The following APOA2 variants were observed in gnomAD, a reference collection of about 807,000 sequenced individuals.
The protein encoded by APOA2 is apolipoprotein A2, also known as apolipoprotein A-II.
A neutral mutation model predicts 7.4 loss-of-function variants in APOA2; 3 were observed. The ratio of observed to expected loss-of-function variants is 0.41; its 90% CI spans 0.18 to 1.05. APOA2 has a LOEUF of 1.05. APOA2 is among the 50% of genes least tolerant of loss of function. APOA2 has a pLI of 0.33. For synonymous variants in APOA2, 42 were observed against 47.8 expected (o/e 0.88, Z 0.50); for missense variants, 90 against 116.3 (o/e 0.77, Z 1.04).
At chr1:161,222,563 T>G in intron 3 of APOA2, 41 bp from the exon 4 acceptor site, 1 of 1,553,834 alleles carries the variant, frequency 6.4e-7, no homozygotes, top group Non-Finnish European at 8.9e-7. Context: ...TGAGGGACCC[T>G]AGGCACTGGC....
At position 161,222,526 on chromosome 1, in the gene APOA2, G is replaced by A. The variant is rs6413453; in HGVS notation, c.186-4C>T. The A allele has an allele frequency of 0.11, 178,687 of 1,611,414 alleles. 10,689 individuals carry two copies. Among genetic ancestry groups the A allele is most frequent in the East Asian group, 0.2 (8,816 of 44,854 alleles). ...CTTTGACTTTTCAAAGTAAGACCTG[G>A]ATAGGTGAGGGGATTAGAGTTTAAT... is the stretch of plus-strand genomic sequence containing the variant. On this transcript the variant is annotated splice_polypyrimidine_tract_variant and splice_region_variant and intron_variant, in intron 3 of 3. Coordinates refer to ENST00000367990, the MANE Select transcript of APOA2 (RefSeq NM_001643.2).
chr1:161,223,252 C>G, intron 2 of APOA2, 98 bp downstream of exon 2: 2 of 1,573,258 alleles, frequency 1.3e-6, no homozygotes, highest in Non-Finnish European at 1.7e-6. Context: ...CTTTTGAGCC[C>G]TTTGGTTGCC....
At chr1:161,223,501 C>G in intron 1 of APOA2, 76 bp from the exon 2 acceptor site, 1 of 1,242,936 alleles carries the variant, frequency 8.0e-7, no homozygotes, top group South Asian at 1.3e-5. Flanking sequence ...GATCTCCCTA[C>G]CTGCTGCCCA....
rs1284521074 is a variant in APOA2, at chr1:161,222,524, T to C, written c.186-2A>G. ...TCCTTTGACTTTTCAAAGTAAGACC[T>C]GGATAGGTGAGGGGATTAGAGTTTA... On this transcript the variant is annotated splice_acceptor_variant, in intron 3 of 3. Coordinates refer to ENST00000367990, the MANE Select transcript of APOA2 (RefSeq NM_001643.2). LOFTEE classifies it high-confidence loss of function. The C allele has an allele frequency of 1.9e-6, 3 of 1,612,498 alleles. No individual in the cohort carries two copies. The highest frequency in any genetic ancestry group is 2.5e-6 in the Non-Finnish European group (3 of 1,178,626).
chr1:161,222,645 G>T lies in APOA2; in HGVS notation c.186-123C>A. ...CCCAAACTCTAGTGCCTGGTCCATC[G>T]CATGGCAAAGCCCCTAGGTAGGAAT... On this transcript the variant is annotated intron_variant, in intron 3 of 3. Coordinates refer to ENST00000367990, the MANE Select transcript of APOA2 (RefSeq NM_001643.2). 10 of 965,918 alleles carry T rather than the reference G, an allele frequency of 1.0e-5. No homozygotes were observed. In the South Asian group the frequency reaches 1.2e-4, roughly 12 times the overall value. The allele number at this position is 965,918 out of a possible 1,614,324, so 59.8% of individuals were successfully genotyped here.
In APOA2 at chr1:161,223,337, A is replaced by G. The variant is rs1344536611; in HGVS notation, c.52+13T>C. 1.2e-6 allele frequency: 2 copies of G among 1,613,636 alleles called. No homozygotes were observed. The highest frequency in any genetic ancestry group is 2.7e-5 in the African/African-American group (2 of 74,896). The stretch of plus-strand genomic sequence containing the variant: ...CATTCTCCCTTTTGGCCCCCTCTCC[A>G]TATCACACCCACCTTCAAGGCTGCA... On this transcript the variant is annotated intron_variant, in intron 2 of 3. Transcript: ENST00000367990.
intron 3 of APOA2, 103 bp downstream of exon 3, chr1:161,222,815 C>T (rs991574735): frequency 1.9e-6 from 3 of 1,560,618 alleles, no homozygotes; most frequent in Non-Finnish European, 2.6e-6. Context: ...GCCTAATCTG[C>T]CCTAATCCCC....
intron 3 of APOA2, 87 bp from the exon 4 acceptor site, chr1:161,222,609 T>A: frequency 8.1e-7 from 1 of 1,232,498 alleles, no homozygotes; most frequent in Non-Finnish European, 1.2e-6. Context: ...CAGAGCAGAC[T>A]GACTCAGGTC....
chr1:161,222,579 C>T (rs538876594), intron 3 of APOA2, 57 bp from the exon 4 acceptor site: 2 of 1,490,340 alleles, frequency 1.3e-6, no homozygotes, highest in African/African-American at 1.4e-5. Flanking sequence ...CTGGCAGGGG[C>T]CTTGGTGGTG....
In APOA2 at chr1:161,223,410, C is replaced by G; in HGVS notation, c.-9G>C. 1 of 1,612,980 alleles carries G rather than the reference C, an allele frequency of 6.2e-7. No individual in the cohort carries two copies. The highest frequency in any genetic ancestry group is 8.5e-7 in the Non-Finnish European group (1 of 1,179,532). On this transcript the variant is annotated 5_prime_UTR_variant, in exon 2 of 4. Transcript: ENST00000367990. ...GCTGCGAGCAGCTTCATGTTGGTAA[C>G]AGTGGGGAGGGCGGCCTAGGAAGAG... is the stretch of plus-strand genomic sequence containing the variant.
chr1:161,223,555 T>A (rs1286445214), intron 1 of APOA2, 40 bp downstream of exon 1: 3 of 737,046 alleles, frequency 4.1e-6, no homozygotes, highest in Admixed American at 4.2e-5. Flanking sequence ...AGCCCAGGCC[T>A]CTTTGGATGC....
intron 2 of APOA2, 122 bp downstream of exon 2, chr1:161,223,228 A>AG: frequency 3.9e-6 from 6 of 1,557,378 alleles, no homozygotes; most frequent in Non-Finnish European, 5.2e-6. Context: ...GGCTTTAGAG[A>AG]GGGAATGATC....
Position 161,223,063 on chromosome 1 carries a change from ACACACACACAC to A in APOA2, c.53-24_53-14del, listed in dbSNP as rs1666199726. On this transcript the variant is annotated splice_polypyrimidine_tract_variant and intron_variant, in intron 2 of 3. Coordinates refer to ENST00000367990, the MANE Select transcript of APOA2 (RefSeq NM_001643.2). ...CGAACCAAAGCTCCTGCCCACACAC[ACACACACACAC>A]ACACACACACACACACACACTCTTT... 1 of 341,274 alleles carries A rather than the reference ACACACACACAC, an allele frequency of 2.9e-6. No individual in the cohort carries two copies. The highest frequency in any genetic ancestry group is 2.9e-5 in the African/African-American group (1 of 34,464). The allele number at this position is 341,274 out of a possible 1,614,324, so 21.1% of individuals were successfully genotyped here.
In APOA2 at chr1:161,223,589, T is replaced by C. The variant is rs924328662; in HGVS notation, c.-25+6A>G. The C allele has an allele frequency of 6.1e-6, 4 of 656,596 alleles. No individual in the cohort carries two copies. Among genetic ancestry groups the C allele is most frequent in the Non-Finnish European group, 1.1e-5 (4 of 366,326 alleles). The allele number at this position is 656,596 out of a possible 1,614,324, so 40.7% of individuals were successfully genotyped here. On this transcript the variant is annotated splice_donor_region_variant and intron_variant, in intron 1 of 3. Coordinates refer to ENST00000367990, the MANE Select transcript of APOA2 (RefSeq NM_001643.2). Reference sequence around the variant, plus strand: ...GCTGCTCACACATCTTGCCTCCTTATCTTACCTAGCCAGCGTCTCTGTCCT... The same window carrying C: ...GCTGCTCACACATCTTGCCTCCTTACCTTACCTAGCCAGCGTCTCTGTCCT...
intron 3 of APOA2, 73 bp from the exon 4 acceptor site, chr1:161,222,595 A>G (rs1571634953): frequency 7.4e-7 from 1 of 1,345,250 alleles, no homozygotes; most frequent in Non-Finnish European, 1.1e-6. Flanking sequence ...TGGTGGTGGG[A>G]GGTCAGAGCA....
chr1:161,222,586 G>T, intron 3 of APOA2, 64 bp from the exon 4 acceptor site: 1 of 1,411,756 alleles, frequency 7.1e-7, no homozygotes, highest in Non-Finnish European at 1.0e-6. Flanking sequence ...GGGCCTTGGT[G>T]GTGGTGGGAG....
intron 2 of APOA2, 45 bp from the exon 3 acceptor site, chr1:161,223,095 T>G: frequency 6.5e-7 from 1 of 1,547,540 alleles, no homozygotes; most frequent in Non-Finnish European, 8.8e-7. Context: ...ACACACACAC[T>G]CTTTTCAGCT....
intron 3 of APOA2, 131 bp downstream of exon 3, chr1:161,222,787 T>C: frequency 1.5e-6 from 2 of 1,373,682 alleles, no homozygotes; most frequent in Non-Finnish European, 2.0e-6. Flanking sequence ...GATGAAATAC[T>C]TTTTCTCTGC....
In APOA2 at chr1:161,223,063, AC is replaced by A. The variant is rs1666199679; in HGVS notation, c.53-14del. ...CGAACCAAAGCTCCTGCCCACACAC[AC>A]ACACACACACACACACACACACACA... On this transcript the variant is annotated splice_polypyrimidine_tract_variant and intron_variant, in intron 2 of 3. Transcript: ENST00000367990. 1.8e-5 allele frequency: 6 copies of A among 341,600 alleles called. No homozygotes were observed. In the South Asian group the frequency reaches 2.3e-4, roughly 13 times the overall value. 21.2% of individuals were successfully genotyped at this position (341,600 alleles called of 1,614,324 possible). A position where few individuals can be genotyped will look rare whatever the true frequency, so the allele number is the denominator to read the frequency against.
Sources: allele counts gnomAD v4.1 joint callset, GRCh38; gene constraint gnomAD v4.1.1; transcripts MANE v1.5; gene names NCBI Gene and HGNC (gene_info 2026-07-23, HGNC 2026-07-21).